GAS7: variants seen among roughly 807,000 people sequenced by gnomAD.
GAS7 encodes the protein growth arrest specific 7.
GAS7 carries 28 observed loss-of-function variants against 71.1 expected under a neutral mutation model. That is an observed-to-expected ratio of 0.39 (90% CI 0.29 to 0.54). The LOEUF is 0.54. Ranked by LOEUF, GAS7 falls within the 20% of genes least tolerant of loss-of-function variation. The pLI, the probability that GAS7 is intolerant of heterozygous loss-of-function variation, is 0.62. For synonymous variants in GAS7, 258 were observed against 245.8 expected, an observed-to-expected ratio of 1.05 and a Z score of -0.46; for missense variants, 436 against 627.8, an observed-to-expected ratio of 0.69 and a Z score of 3.27.
At chr17:10,008,785 T>A (rs58209168) in intron 2 of GAS7, among the ~76,000 whole-genome samples, 15,018 of 151,418 alleles carry the variant, frequency 0.099, 866 homozygotes, top group African/African-American at 0.16. Context: ...TCTCTCTCTC[T>A]CACACACACA....
chr17:10,197,844 C>A (rs989950363), intron 1 of GAS7, among the ~76,000 whole-genome samples: 24 of 152,224 alleles, frequency 1.6e-4, no homozygotes, highest in African/African-American at 4.8e-4. Context: ...CCCTGATCCT[C>A]CGTGCCTCTT....
chr17:9,996,428 G>A (rs1203348060), intron 2 of GAS7, among the ~76,000 whole-genome samples: 1 of 137,074 alleles, frequency 7.3e-6, no homozygotes, highest in Admixed American at 7.3e-5. Context: ...TTGTGGGGTG[G>A]GGGGAGGGGG....
At chr17:10,101,316 T>C (rs1294726225) in intron 1 of GAS7, among the ~76,000 whole-genome samples, 1 of 152,230 alleles carries the variant, frequency 6.6e-6, no homozygotes. Flanking sequence ...CATTTGTTAG[T>C]TTCTTGCCAC....
At chr17:10,015,860 A>C (rs373774450) in intron 2 of GAS7, among the ~76,000 whole-genome samples, 142 of 152,168 alleles carry the variant, frequency 9.3e-4, no homozygotes, top group African/African-American at 3.3e-3. Flanking sequence ...CTGATTCCCC[A>C]GGGTCTCTCT....
intron 11 of GAS7, among the ~76,000 whole-genome samples, chr17:9,920,899 A>G (rs1422645213): frequency 1.3e-5 from 2 of 152,222 alleles, no homozygotes; most frequent in South Asian, 2.1e-4. Flanking sequence ...TAGTATCATC[A>G]TTGTGGCTCA....
At chr17:9,923,703 GCT>G (rs1277749192) in intron 11 of GAS7, among the ~76,000 whole-genome samples, 1 of 152,228 alleles carries the variant, frequency 6.6e-6, no homozygotes, top group African/African-American at 2.4e-5. Flanking sequence ...GTTGATAGGT[GCT>G]CTCTCTGGAA....
rs773112926 is a variant in GAS7 at position 9,969,646 on chromosome 17, C to T, written c.471+31G>A. On this transcript the variant is annotated intron_variant, in intron 4 of 13. Coordinates refer to ENST00000432992, the MANE Select transcript of GAS7 (RefSeq NM_201433.2). This position sits in a 1 kb window ranked among gnomAD's most constrained non-coding sequence, Gnocchi z 5.5. ...TTTCCTAGGCCTGCAGAAGCAGTGA[C>T]CGCTATACCTCCCTCAACAGGACCC... 1 of 1,328,896 alleles carries T rather than the reference C, an allele frequency of 7.5e-7. No individual in the cohort carries two copies. Among genetic ancestry groups the T allele is most frequent in the South Asian group, 1.2e-5 (1 of 85,198 alleles). 82.3% of individuals were successfully genotyped at this position (1,328,896 alleles called of 1,614,324 possible).
chr17:10,005,042 C>T (rs115974133), intron 2 of GAS7, among the ~76,000 whole-genome samples: 13 of 144,848 alleles, frequency 9.0e-5, no homozygotes, highest in Non-Finnish European at 8.9e-5. Context: ...TATATACATA[C>T]ATATATATAC....
At chr17:10,128,965 C>T (rs1038364541) in intron 1 of GAS7, among the ~76,000 whole-genome samples, 6 of 152,130 alleles carry the variant, frequency 3.9e-5, no homozygotes, top group African/African-American at 1.4e-4. Flanking sequence ...GATCTTTTAA[C>T]CTAAATAATC....
chr17:10,084,477 T>C (rs2073494667), intron 1 of GAS7, among the ~76,000 whole-genome samples: 1 of 152,170 alleles, frequency 6.6e-6, no homozygotes, highest in African/African-American at 2.4e-5. Context: ...CCTTTATCTT[T>C]TTTTTTGAGA....
intron 1 of GAS7, among the ~76,000 whole-genome samples, chr17:10,123,745 C>G (rs958825429): frequency 1.3e-5 from 2 of 152,220 alleles, no homozygotes; most frequent in Non-Finnish European, 2.9e-5. Flanking sequence ...ACACCAGTGG[C>G]TGGAGGAATC....
chr17:9,957,747 T>C (rs2069305921), intron 5 of GAS7, among the ~76,000 whole-genome samples: 1 of 151,834 alleles, frequency 6.6e-6, no homozygotes, highest in Non-Finnish European at 1.5e-5. Flanking sequence ...CTCCATCAAC[T>C]CCACCGGTAA....
In GAS7 at chr17:10,084,509, C is replaced by A. The variant is rs567076244; in HGVS notation, c.184-64612G>T. Among the ~76,000 whole-genome samples, 10 of 152,270 alleles carry A rather than the reference C, an allele frequency of 6.6e-5. No homozygotes were observed. In the South Asian group the frequency reaches 1.0e-3, roughly 16 times the overall value. On this transcript the variant is annotated intron_variant, in intron 1 of 13. Coordinates refer to ENST00000432992, the MANE Select transcript of GAS7 (RefSeq NM_201433.2). Reference sequence around the variant, plus strand: ...GAGACAAAGTCTCGCTCTTGTCCCCCAGGCTGGAGTGCGATGGTGCAATCT... The same window carrying A: ...GAGACAAAGTCTCGCTCTTGTCCCCAAGGCTGGAGTGCGATGGTGCAATCT...
intron 2 of GAS7, among the ~76,000 whole-genome samples, chr17:10,016,435 A>G (rs1474139587): frequency 6.7e-6 from 1 of 150,278 alleles, no homozygotes; most frequent in Non-Finnish European, 1.5e-5. Context: ...AAACTGGCAT[A>G]TATCTAGAAT....
rs373186671 is a variant in GAS7 at position 10,064,483 on chromosome 17, C to G, written c.184-44586G>C. On this transcript the variant is annotated intron_variant, in intron 1 of 13. Transcript: ENST00000432992. ...TCGAGGTTTCCGGGAGCAAGTGGCT[C>G]CTGCCTGGCCAATTAGCACGTGCCC... 5.9e-5 allele frequency among the ~76,000 whole-genome samples: 9 copies of G among 152,210 alleles called. No homozygotes were observed. In the East Asian group the frequency reaches 7.7e-4, roughly 13 times the overall value.
At chr17:9,937,554 C>T (rs2068446158) in intron 8 of GAS7, among the ~76,000 whole-genome samples, 1 of 152,228 alleles carries the variant, frequency 6.6e-6, no homozygotes, top group African/African-American at 2.4e-5. Context: ...GGAAGGGACG[C>T]TGGTCTTGCT....
chr17:9,984,372 G>A (rs1421830632), intron 2 of GAS7, among the ~76,000 whole-genome samples: 1 of 152,146 alleles, frequency 6.6e-6, no homozygotes, highest in Non-Finnish European at 1.5e-5. Flanking sequence ...TGGACTCCAG[G>A]GGCAGGCATA....
chr17:10,074,074 G>T (rs1010061362), intron 1 of GAS7, among the ~76,000 whole-genome samples: 8 of 152,192 alleles, frequency 5.3e-5, no homozygotes, highest in African/African-American at 1.9e-4. Context: ...AGAGAAAGAT[G>T]GCAGGCAGCC....
chr17:9,977,818 C>T (rs2070264506), intron 3 of GAS7, among the ~76,000 whole-genome samples: 1 of 152,184 alleles, frequency 6.6e-6, no homozygotes, highest in South Asian at 2.1e-4. Context: ...AACCTGGCTG[C>T]CTCTGCTTAC....
Sources: allele counts gnomAD v4.1 joint callset (sites outside exome capture counted in the v4.1 genomes callset), GRCh38; gene constraint gnomAD v4.1.1; non-coding constraint Gnocchi (gnomAD v3.1); transcripts MANE v1.5; gene names NCBI Gene and HGNC (gene_info 2026-07-23, HGNC 2026-07-21).